Variants in MBTPS1 observed in about 807,000 individuals in gnomAD.
MBTPS1 encodes membrane bound transcription factor peptidase, site 1, also known as membrane-bound transcription factor site-1 protease.
In MBTPS1, 94 loss-of-function variants were observed where a neutral mutation model predicts 127.8. The ratio of observed to expected loss-of-function variants is 0.74; its 90% CI spans 0.62 to 0.87. The LOEUF is 0.87. Ranked by LOEUF, MBTPS1 falls within the 40% of genes least tolerant of loss-of-function variation. The pLI is 0.00. For synonymous variants in MBTPS1, 632 were observed against 509.4 expected (o/e 1.24, Z -3.24); for missense variants, 1,636 against 1,353.2 (o/e 1.21, Z -3.28).
At position 84,067,677 on chromosome 16, in the gene MBTPS1, C is replaced by T. The variant is rs753772256; in HGVS notation, c.2218G>A (p.Glu740Lys). ...GCGTATCAACAGTACCTTGTGTTTT[C>T]ATCATAAAACTTCACTTTTCTCATA... ...SVMRKVKFYD[E>K]NTRQWWMPDT... is the part of the protein sequence containing the mutation. The change falls in exon 16 of 23, where the codon GAA becomes AAA. Residue 740 changes from glutamate to lysine, a missense_variant. Transcript: ENST00000343411. 1.2e-6 allele frequency: 2 copies of T among 1,611,672 alleles called. No individual in the cohort carries two copies. Among genetic ancestry groups the T allele is most frequent in the Non-Finnish European group, 1.7e-6 (2 of 1,178,096 alleles).
chr16:84,099,271 G>A lies in MBTPS1; in HGVS notation c.203C>T (p.Ala68Val), dbSNP rs751489346. The A allele has an allele frequency of 5.0e-6, 8 of 1,613,906 alleles. No homozygotes were observed. The highest frequency in any genetic ancestry group is 6.8e-6 in the Non-Finnish European group (8 of 1,179,992). ...VAFNGYFTAKARNSFISSALK... is the reference protein window; with the variant it reads ...VAFNGYFTAKVRNSFISSALK... ...GGCACTTGAAATAAATGAATTTCTA[G>A]CTTTGGCTGTAAAGTATCCATTGAA... The change falls in exon 3 of 23, where the codon GCT (alanine) becomes GTT (valine). Residue 68 changes from alanine (A) to valine (V), a missense_variant. Physicochemically the swap from Ala to Val is moderately conservative, Grantham distance 64. Coordinates refer to ENST00000343411, the MANE Select transcript of MBTPS1 (RefSeq NM_003791.4).
chr16:84,097,184 A>G (rs560615559), intron 3 of MBTPS1, among the ~76,000 whole-genome samples: 244 of 152,186 alleles, frequency 1.6e-3, no homozygotes, highest in Non-Finnish European at 3.1e-3. Flanking sequence ...ATGGGATAGA[A>G]CCAAATGGGT....
chr16:84,116,600 C>T (rs2086483475), intron 1 of MBTPS1, 135 bp downstream of exon 1: 1 of 152,202 alleles, frequency 6.6e-6, no homozygotes. Context: ...GGCCCCGCGC[C>T]CACCTCCCCC....
At chr16:84,062,822 C>T (rs936752252) in intron 19 of MBTPS1, among the ~76,000 whole-genome samples, 20 of 152,204 alleles carry the variant, frequency 1.3e-4, no homozygotes, top group Admixed American at 5.2e-4. Context: ...AGATAACAAA[C>T]GCTCTTCACT....
chr16:84,099,061 T>G lies in MBTPS1; in HGVS notation c.413A>C (p.Tyr138Ser), dbSNP rs746041915. Residue 138 changes from tyrosine to serine, a missense_variant, in exon 3 of 23, where the codon TAT (tyrosine) becomes TCT (serine). By Grantham distance (144) the Tyr-to-Ser change is moderately radical. Transcript: ENST00000343411. Reference protein sequence around the residue: ...PQRKVFRSLKYAESDPTVPCN... With the variant: ...PQRKVFRSLKSAESDPTVPCN... ...ACAGTCACAATACTCACATTCAGCA[T>G]ACTTGAGGGAACGAAAGACTTTTCG... 8 of 1,614,082 alleles carry G rather than the reference T, an allele frequency of 5.0e-6. No individual in the cohort carries two copies. Among genetic ancestry groups the G allele is most frequent in the Non-Finnish European group, 6.8e-6 (8 of 1,179,990 alleles).
chr16:84,057,221 C>G (rs2085535564), intron 21 of MBTPS1: 1 of 152,208 alleles, frequency 6.6e-6, no homozygotes, highest in Admixed American at 6.5e-5. Context: ...ATAACCCGCC[C>G]TATTTTATAG....
chr16:84,105,064 T>TAC (rs2086304605), intron 1 of MBTPS1, among the ~76,000 whole-genome samples: 1 of 151,238 alleles, frequency 6.6e-6, no homozygotes, highest in East Asian at 1.9e-4. Flanking sequence ...ATTGGGACAC[T>TAC]GCAGCAGTCC....
intron 7 of MBTPS1, among the ~76,000 whole-genome samples, chr16:84,091,306 T>C (rs1309726350): frequency 6.6e-6 from 1 of 151,880 alleles, no homozygotes; most frequent in African/African-American, 2.4e-5. Context: ...GCCAATTCGG[T>C]GAAACCCCGT....
At chr16:84,092,008 G>C (rs1001155420) in intron 6 of MBTPS1, among the ~76,000 whole-genome samples, 160 bp from the exon 7 acceptor site, 2 of 152,054 alleles carry the variant, frequency 1.3e-5, no homozygotes, top group African/African-American at 2.4e-5. Context: ...ATGCTCTGGA[G>C]AGTAAAATAC....
intron 18 of MBTPS1, among the ~76,000 whole-genome samples, chr16:84,064,538 C>T (rs1466908961): frequency 6.6e-6 from 1 of 152,132 alleles, no homozygotes; most frequent in East Asian, 1.9e-4. Flanking sequence ...TGTAGTAGAA[C>T]ACCTAAAGAA....
intron 1 of MBTPS1, among the ~76,000 whole-genome samples, chr16:84,106,772 C>T (rs889101935): frequency 7.9e-5 from 12 of 152,114 alleles, no homozygotes; most frequent in Admixed American, 3.3e-4. Context: ...GGAGGACTTC[C>T]GTACAAGAGC....
At position 84,092,661 on chromosome 16, in the gene MBTPS1, A is replaced by G. The variant is rs369756838; in HGVS notation, c.846+527T>C. On this transcript the variant is annotated intron_variant, in intron 6 of 22. Transcript: ENST00000343411. ...TTCAAAAATTAACCTTAAAAAATAA[A>G]TAACGAAAAAAGAAACAAATACTAG... Among the ~76,000 whole-genome samples, 577 of 152,324 alleles carry G rather than the reference A, an allele frequency of 3.8e-3. 4 individuals are homozygous for G. Among genetic ancestry groups the G allele is most frequent in the African/African-American group, 0.013 (540 of 41,564 alleles).
chr16:84,057,204 A>G (rs2085535319), intron 21 of MBTPS1: 1 of 152,238 alleles, frequency 6.6e-6, no homozygotes, highest in African/African-American at 2.4e-5. Flanking sequence ...GCCAATGAGC[A>G]CTCATTATAA....
intron 19 of MBTPS1, among the ~76,000 whole-genome samples, chr16:84,062,456 G>A (rs949608465): frequency 2.6e-5 from 4 of 152,172 alleles, no homozygotes; most frequent in African/African-American, 7.2e-5. Context: ...CCAGTCTAGG[G>A]ATTTACATAA....
rs144368417 is a variant in MBTPS1 at position 84,096,761 on chromosome 16, C to A, written c.422-956G>T. On this transcript the variant is annotated intron_variant, in intron 3 of 22. Coordinates refer to ENST00000343411, the MANE Select transcript of MBTPS1 (RefSeq NM_003791.4). ...GTAAGTAAATATTTGCACAGTCCAACTGAAACGGTTCTTAATTGAAATTCC... is the reference window on the plus strand; with the variant it reads ...GTAAGTAAATATTTGCACAGTCCAAATGAAACGGTTCTTAATTGAAATTCC... 1.2e-4 allele frequency among the ~76,000 whole-genome samples: 18 copies of A among 152,318 alleles called. No individual in the cohort carries two copies. The East Asian group carries it at 2.5e-3, about 21-fold the overall frequency.
At chr16:84,055,273 T>G (rs2085505886) in intron 22 of MBTPS1, among the ~76,000 whole-genome samples, 1 of 152,152 alleles carries the variant, frequency 6.6e-6, no homozygotes, top group Non-Finnish European at 1.5e-5. Flanking sequence ...CACCACCACG[T>G]GGTGTCCAGG....
chr16:84,094,739 T>C (rs780492370), intron 4 of MBTPS1, among the ~76,000 whole-genome samples: 10 of 152,172 alleles, frequency 6.6e-5, no homozygotes, highest in South Asian at 2.1e-4. Flanking sequence ...ACTAGAAAAT[T>C]TGTTTTGTCA....
At chr16:84,087,196 G>A (rs898150901) in intron 9 of MBTPS1, among the ~76,000 whole-genome samples, 162 bp downstream of exon 9, 3 of 152,290 alleles carry the variant, frequency 2.0e-5, no homozygotes, top group South Asian at 2.1e-4. Context: ...CAGATCTCTC[G>A]TCCTCACGGC....
At position 84,087,365 on chromosome 16, in the gene MBTPS1, G is replaced by C. The variant is rs781315532; in HGVS notation, c.1127C>G (p.Thr376Ser). The change falls in exon 9 of 23, where the codon ACT becomes AGT. Residue 376 changes from threonine to serine, a missense_variant. Transcript: ENST00000343411. ...NIARFSSRGM[T>S]TWELPGGYGR... Reference sequence around the variant, plus strand: ...TAGCAAAGAAGAGCGTACCCAGGTAGTCATTCCCCTTGAAGAAAAGCGGGC... The same window carrying C: ...TAGCAAAGAAGAGCGTACCCAGGTACTCATTCCCCTTGAAGAAAAGCGGGC... 5 of 1,610,772 alleles carry C rather than the reference G, an allele frequency of 3.1e-6. No individual in the cohort carries two copies. Among genetic ancestry groups the C allele is most frequent in the African/African-American group, 1.3e-5 (1 of 74,628 alleles).
Sources: gnomAD v4.1 joint callset for allele counts (sites outside exome capture counted in the v4.1 genomes callset) on GRCh38, gnomAD v4.1.1 for gene constraint, MANE v1.5 for transcripts, NCBI Gene and HGNC (gene_info 2026-07-23, HGNC 2026-07-21) for gene names.